Variants in CCBE1 observed in about 807,000 individuals in gnomAD.
The protein encoded by CCBE1 is collagen and calcium-binding EGF domain-containing protein 1.
In CCBE1, 37 loss-of-function variants were observed where a neutral mutation model predicts 50.0. That is an observed-to-expected ratio of 0.74 (90% confidence interval 0.57 to 0.97). The LOEUF is 0.97. CCBE1 is among the 50% of genes least tolerant of loss of function. The pLI is 0.00. For missense variants in CCBE1, 538 were observed against 523.8 expected (o/e 1.03, Z -0.26); for synonymous variants, 234 against 203.7 (o/e 1.15, Z -1.27).
In CCBE1 at chr18:59,435,206, A is replaced by G. The variant is rs943342478; in HGVS notation, c.*702T>C. Reference sequence around the variant, plus strand: ...TAGGATACTTACAGATAAGCATGGCATGAAACCTTAAGCACCGTATTTGAA... The same window carrying G: ...TAGGATACTTACAGATAAGCATGGCGTGAAACCTTAAGCACCGTATTTGAA... On this transcript the variant is annotated 3_prime_UTR_variant, in exon 11 of 11. Transcript: ENST00000439986. 29 of 152,368 alleles carry G rather than the reference A, an allele frequency of 1.9e-4. No individual in the cohort carries two copies. The highest frequency in any genetic ancestry group is 7.0e-4 in the African/African-American group (29 of 41,466). The allele number at this position is 152,368 out of a possible 1,614,324, so 9.4% of individuals were successfully genotyped here. A position where few individuals can be genotyped will look rare whatever the true frequency, so the allele number is the denominator to read the frequency against.
chr18:59,696,500 A>AC (rs953934875), intron 2 of CCBE1, 129 bp downstream of exon 2: 15 of 1,549,810 alleles, frequency 9.7e-6, no homozygotes, highest in Non-Finnish European at 1.3e-5. Flanking sequence ...CGCGGCACGC[A>AC]CCCAGCAGGT....
At chr18:59,586,027 G>C (rs2053173308) in intron 2 of CCBE1, among the ~76,000 whole-genome samples, 1 of 152,100 alleles carries the variant, frequency 6.6e-6, no homozygotes, top group African/African-American at 2.4e-5. Flanking sequence ...AATAATATTG[G>C]CCTTTTAGTA....
chr18:59,499,165 A>T (rs1913494858), intron 2 of CCBE1, among the ~76,000 whole-genome samples: 1 of 152,222 alleles, frequency 6.6e-6, no homozygotes, highest in African/African-American at 2.4e-5. Flanking sequence ...AAAGAAATGG[A>T]CACCATAAGA....
In CCBE1 at chr18:59,697,225, C is replaced by G; in HGVS notation, c.118G>C (p.Glu40Gln). Reference sequence around the variant, plus strand: ...TGCAGCGCTTACCTGTCGCCGTCCTCCGGCTCCTCTCTGTAGGTCCACGTG... The same window carrying G: ...TGCAGCGCTTACCTGTCGCCGTCCTGCGGCTCCTCTCTGTAGGTCCACGTG... ...GHTWTYREEP[E>Q]DGDREICSES... Residue 40 changes from glutamate (E) to glutamine (Q), a missense_variant, in exon 1 of 11, where the codon GAG (glutamate) becomes CAG (glutamine). Physicochemically the swap from Glu to Gln is conservative, Grantham distance 29. Coordinates refer to ENST00000439986, the MANE Select transcript of CCBE1 (RefSeq NM_133459.4). The G allele has an allele frequency of 1.3e-6, 2 of 1,548,952 alleles. No homozygotes were observed. The highest frequency in any genetic ancestry group is 8.7e-7 in the Non-Finnish European group (1 of 1,146,720).
intron 2 of CCBE1, among the ~76,000 whole-genome samples, chr18:59,556,073 C>T (rs1235882146): frequency 6.6e-6 from 1 of 152,200 alleles, no homozygotes; most frequent in Non-Finnish European, 1.5e-5. Context: ...TGCAAGCTCC[C>T]ATGTCAGCCT....
intron 2 of CCBE1, among the ~76,000 whole-genome samples, chr18:59,621,402 T>A (rs1034073422): frequency 2.6e-5 from 4 of 152,210 alleles, no homozygotes; most frequent in Non-Finnish European, 4.4e-5. Flanking sequence ...TCTGGGGCCA[T>A]TGGAGTCATT....
At chr18:59,522,168 C>T (rs1320383796) in intron 2 of CCBE1, among the ~76,000 whole-genome samples, 1 of 149,826 alleles carries the variant, frequency 6.7e-6, no homozygotes, top group Non-Finnish European at 1.5e-5. Context: ...AATTTCTATG[C>T]TAATACATAC....
At chr18:59,612,853 T>TTG (rs2053591662) in intron 2 of CCBE1, among the ~76,000 whole-genome samples, 1 of 147,918 alleles carries the variant, frequency 6.8e-6, no homozygotes, top group African/African-American at 2.5e-5. Context: ...TTTTTGTTTT[T>TTG]TTTAATGTCT....
At chr18:59,550,235 C>A (rs1915864598) in intron 2 of CCBE1, among the ~76,000 whole-genome samples, 1 of 152,100 alleles carries the variant, frequency 6.6e-6, no homozygotes, top group Middle Eastern at 3.2e-3. Flanking sequence ...AAACTATGAC[C>A]CATGGACCAA....
chr18:59,603,915 ACT>A (rs1184408969), intron 2 of CCBE1, among the ~76,000 whole-genome samples: 4 of 152,280 alleles, frequency 2.6e-5, no homozygotes, highest in East Asian at 3.9e-4. Context: ...CCTCTCGATG[ACT>A]CTGTTTCCAT....
At chr18:59,601,206 T>C (rs544017186) in intron 2 of CCBE1, among the ~76,000 whole-genome samples, 2 of 151,642 alleles carry the variant, frequency 1.3e-5, no homozygotes, top group African/African-American at 4.8e-5. Flanking sequence ...TTATTTTTTG[T>C]AGTTTTGGTA....
At chr18:59,670,234 T>C (rs2054413807) in intron 2 of CCBE1, among the ~76,000 whole-genome samples, 2 of 152,160 alleles carry the variant, frequency 1.3e-5, no homozygotes, top group East Asian at 1.9e-4. Flanking sequence ...AAAATTATAA[T>C]AAAAACTTGT....
chr18:59,696,508 G>C, intron 2 of CCBE1, 121 bp downstream of exon 2: 1 of 1,561,754 alleles, frequency 6.4e-7, no homozygotes, highest in South Asian at 1.1e-5. Flanking sequence ...GCACCCAGCA[G>C]GTTCCAGCGT....
intron 2 of CCBE1, among the ~76,000 whole-genome samples, chr18:59,485,768 G>A (rs1046846639): frequency 6.6e-6 from 1 of 151,758 alleles, no homozygotes; most frequent in African/African-American, 2.4e-5. Context: ...CTGCCACCAC[G>A]CTCAGCTTAT....
rs1238892503 is a variant in CCBE1 at position 59,634,390 on chromosome 18, T to A, written c.212+62239A>T. ...TTTAGACTAAATGCATGACCTGCGATCCCTAAAGCAACAACATTAACCAAA... is the reference window on the plus strand; with the variant it reads ...TTTAGACTAAATGCATGACCTGCGAACCCTAAAGCAACAACATTAACCAAA... On this transcript the variant is annotated intron_variant, in intron 2 of 10. Transcript: ENST00000439986. Among the ~76,000 whole-genome samples, 19 of 152,302 alleles carry A rather than the reference T, an allele frequency of 1.2e-4. 1 individual carries two copies. The East Asian group carries it at 2.1e-3, about 17-fold the overall frequency.
intron 2 of CCBE1, among the ~76,000 whole-genome samples, chr18:59,554,311 A>G (rs182407436): frequency 1.3e-5 from 2 of 152,312 alleles, no homozygotes; most frequent in East Asian, 3.9e-4. Flanking sequence ...CCAGGTCAAA[A>G]GCTTGAATCT....
chr18:59,563,266 G>A (rs1010004083), intron 2 of CCBE1, among the ~76,000 whole-genome samples: 1 of 152,196 alleles, frequency 6.6e-6, no homozygotes, highest in Non-Finnish European at 1.5e-5. Context: ...ATGGGGGTTG[G>A]GGGGAAGAAT....
At chr18:59,580,299 C>T (rs1423047821) in intron 2 of CCBE1, among the ~76,000 whole-genome samples, 1 of 152,186 alleles carries the variant, frequency 6.6e-6, no homozygotes, top group Admixed American at 6.5e-5. Context: ...AACCTGGAAG[C>T]CCCCTCCCTG....
In CCBE1 at chr18:59,433,455, ACTCGG is replaced by A. The variant is rs1202221938; in HGVS notation, c.*2448_*2452del. The A allele has an allele frequency of 6.6e-6, 1 of 151,838 alleles. No individual in the cohort carries two copies. Among genetic ancestry groups the A allele is most frequent in the Middle Eastern group, 3.2e-3 (1 of 316 alleles). The allele number at this position is 151,838 out of a possible 1,614,324, so 9.4% of individuals were successfully genotyped here. A position where few individuals can be genotyped will look rare whatever the true frequency, so the allele number is the denominator to read the frequency against. On this transcript the variant is annotated 3_prime_UTR_variant, in exon 11 of 11. Transcript: ENST00000439986. ...TAGAGGAGCAAAGTGTTCATGAAAGACTCGGTCACATGCTGACTGACATGAGTCCT... is the reference window on the plus strand; with the variant it reads ...TAGAGGAGCAAAGTGTTCATGAAAGATCACATGCTGACTGACATGAGTCCT...
Sources: allele counts gnomAD v4.1 joint callset (sites outside exome capture counted in the v4.1 genomes callset), GRCh38; gene constraint gnomAD v4.1.1; transcripts MANE v1.5; gene names NCBI Gene and HGNC (gene_info 2026-07-23, HGNC 2026-07-21).